Variants in EPN2 observed in about 807,000 individuals in gnomAD.
The protein encoded by EPN2 is epsin 2.
In EPN2, 34 loss-of-function variants were observed where a neutral mutation model predicts 61.7. The ratio of observed to expected loss-of-function variants is 0.55; its 90% CI spans 0.42 to 0.73. EPN2 has a LOEUF of 0.73. Among genes scored for constraint, EPN2 ranks in the 30% least tolerant of loss-of-function variants. The pLI, the probability that EPN2 is intolerant of heterozygous loss-of-function variation, is 0.00. For missense variants in EPN2, 714 were observed against 839.2 expected (o/e 0.85, Z 1.84); for synonymous variants, 349 against 353.6 (o/e 0.99, Z 0.15).
At chr17:19,309,757 A>G in intron 4 of EPN2, 128 bp from the exon 5 acceptor site, 1 of 697,516 alleles carries the variant, frequency 1.4e-6, no homozygotes, top group Non-Finnish European at 2.6e-6. Context: ...CTCTGCCTGC[A>G]TTGTTGGGCT....
At chr17:19,282,507 T>C (rs2045367915) in intron 2 of EPN2, 1 of 152,250 alleles carries the variant, frequency 6.6e-6, no homozygotes, top group East Asian at 1.9e-4. Context: ...GGGGTATTGC[T>C]GTTTTGACCA....
intron 1 of EPN2, among the ~76,000 whole-genome samples, chr17:19,247,118 A>C (rs918690126): frequency 6.6e-6 from 1 of 152,164 alleles, no homozygotes; most frequent in Admixed American, 6.5e-5. Flanking sequence ...TATAATGACT[A>C]TACTATGGAT....
intron 1 of EPN2, among the ~76,000 whole-genome samples, chr17:19,246,927 C>T (rs1471276837): frequency 6.6e-6 from 1 of 152,112 alleles, no homozygotes; most frequent in Non-Finnish European, 1.5e-5. Flanking sequence ...GCCACCACGC[C>T]TGGCTGATTT....
intron 10 of EPN2, 48 bp downstream of exon 10, chr17:19,332,116 T>C (rs748917978): frequency 1.3e-5 from 19 of 1,456,826 alleles, no homozygotes; most frequent in Non-Finnish European, 1.6e-5. Context: ...TGCCTGGGAA[T>C]GGGTGTGCAG....
rs529726874 is a variant in EPN2, at chr17:19,305,308, GAC to G, written c.767-4575_767-4574del. On this transcript the variant is annotated intron_variant, in intron 4 of 10. Coordinates refer to ENST00000314728, the MANE Select transcript of EPN2 (RefSeq NM_014964.5). ...AGCTAAATTTTGTATGTTTAGTAGA[GAC>G]AGGGTTTTGCCCTCGTTGGCCAGGC... Among the ~76,000 whole-genome samples, 339 of 152,148 alleles carry G rather than the reference GAC, an allele frequency of 2.2e-3. 1 individual carries two copies. Among genetic ancestry groups the G allele is most frequent in the African/African-American group, 7.5e-3 (313 of 41,514 alleles).
chr17:19,294,655 A>G (rs1295915159), intron 4 of EPN2, among the ~76,000 whole-genome samples: 2 of 152,224 alleles, frequency 1.3e-5, no homozygotes, highest in Admixed American at 1.3e-4. Flanking sequence ...GATACAAGGC[A>G]GTTCCTCATT....
chr17:19,246,326 C>T (rs2044948143), intron 1 of EPN2, among the ~76,000 whole-genome samples: 1 of 152,114 alleles, frequency 6.6e-6, no homozygotes, highest in African/African-American at 2.4e-5. Context: ...CACTGCACTC[C>T]AGCCTGGCGA....
At chr17:19,311,918 G>A in intron 5 of EPN2, 134 bp from the exon 6 acceptor site, 1 of 701,774 alleles carries the variant, frequency 1.4e-6, no homozygotes, top group Non-Finnish European at 2.5e-6. Context: ...AAGTAATTGT[G>A]TTTTACAAGT....
At chr17:19,265,599 T>G (rs3862148) in intron 1 of EPN2, among the ~76,000 whole-genome samples, 134,103 of 152,080 alleles carry the variant, frequency 0.88, 59,478 homozygotes, top group East Asian at 1. Context: ...TTGGCCGATG[T>G]CTACTTGCCT....
intron 1 of EPN2, among the ~76,000 whole-genome samples, chr17:19,262,604 G>A (rs983041708): frequency 1.3e-5 from 2 of 151,350 alleles, no homozygotes; most frequent in African/African-American, 4.9e-5. Context: ...AAGCAACCCT[G>A]TACCCATTAA....
intron 1 of EPN2, among the ~76,000 whole-genome samples, chr17:19,262,009 G>A (rs979756904): frequency 2.6e-5 from 4 of 152,146 alleles, no homozygotes; most frequent in African/African-American, 9.7e-5. Flanking sequence ...CCAACGTGGT[G>A]AAACCCATCT....
In EPN2 at chr17:19,328,851, G is replaced by C. The variant is rs1052473650; in HGVS notation, c.1288G>C (p.Gly430Arg). 1.2e-6 allele frequency: 2 copies of C among 1,613,136 alleles called. No homozygotes were observed. The highest frequency in any genetic ancestry group is 2.7e-5 in the African/African-American group (2 of 75,028). Reference protein sequence around the residue: ...SAGKRASDAWGAVSTTKPVSV... With the variant: ...SAGKRASDAWRAVSTTKPVSV... ...TGGGAAAAGAGCTTCTGACGCGTGGGGCGCAGTCTCCACCACCAAGCCCGT... is the reference window on the plus strand; with the variant it reads ...TGGGAAAAGAGCTTCTGACGCGTGGCGCGCAGTCTCCACCACCAAGCCCGT... The change falls in exon 8 of 11, where the codon GGC becomes CGC. Residue 430 changes from glycine to arginine, a missense_variant. Around this residue, in one of 2 missense-constraint regions of EPN2, gnomAD observed 410 missense variants for 421.8 expected, o/e 0.97. Transcript: ENST00000314728.
intron 7 of EPN2, among the ~76,000 whole-genome samples, chr17:19,315,967 T>C (rs769047370): frequency 2.0e-5 from 3 of 152,252 alleles, no homozygotes; most frequent in Non-Finnish European, 2.9e-5. Context: ...GGACATTTCA[T>C]AGAAACGGAG....
chr17:19,241,174 T>C (rs553907918), intron 1 of EPN2, among the ~76,000 whole-genome samples: 1 of 152,210 alleles, frequency 6.6e-6, no homozygotes, highest in Non-Finnish European at 1.5e-5. Context: ...AAGTTAACAG[T>C]GGACTGAGGG....
chr17:19,300,252 G>T (rs967488543), intron 4 of EPN2, among the ~76,000 whole-genome samples: 2 of 152,132 alleles, frequency 1.3e-5, no homozygotes, highest in Non-Finnish European at 2.9e-5. Context: ...GGTGAGACAA[G>T]GTGTCAGATC....
At chr17:19,330,419 A>C (rs1424029037) in intron 9 of EPN2, among the ~76,000 whole-genome samples, 1 of 151,856 alleles carries the variant, frequency 6.6e-6, no homozygotes, top group Non-Finnish European at 1.5e-5. Context: ...AACTGTAGCC[A>C]CAAGCCTGGC....
chr17:19,266,145 A>C (rs1412658074), intron 1 of EPN2, among the ~76,000 whole-genome samples: 2 of 152,154 alleles, frequency 1.3e-5, no homozygotes, highest in Non-Finnish European at 2.9e-5. Context: ...CCCTGCTCCA[A>C]ACAAAAATAA....
At chr17:19,284,509 C>T (rs998185684) in intron 3 of EPN2, among the ~76,000 whole-genome samples, 1 of 152,196 alleles carries the variant, frequency 6.6e-6, no homozygotes, top group African/African-American at 2.4e-5. Flanking sequence ...CTCAGAGAGA[C>T]AGGTGGCCCT....
intron 7 of EPN2, among the ~76,000 whole-genome samples, chr17:19,321,226 C>G (rs1279216367): frequency 1.3e-5 from 2 of 152,068 alleles, no homozygotes; most frequent in Non-Finnish European, 2.9e-5. Context: ...TCAGCTTGAC[C>G]CAGTGGCTAG....
Sources: gnomAD v4.1 joint callset for allele counts (sites outside exome capture counted in the v4.1 genomes callset) on GRCh38, gnomAD v4.1.1 for gene constraint, gnomAD v4.1.1 regional missense constraint, MANE v1.5 for transcripts, NCBI Gene and HGNC (gene_info 2026-07-23, HGNC 2026-07-21) for gene names.